ANGEL2: variants seen among roughly 807,000 people sequenced by gnomAD.
ANGEL2 encodes angel homolog 2, also known as RNA 2',3'-cyclic phosphatase ANGEL2.
Under a neutral mutation model 66.0 loss-of-function variants are expected in ANGEL2, and 41 were observed. The ratio of observed to expected loss-of-function variants is 0.62; its 90% CI spans 0.48 to 0.81. The LOEUF is 0.81. Ranked by LOEUF, ANGEL2 falls within the 30% of genes least tolerant of loss-of-function variation. The pLI is 0.00. For missense variants in ANGEL2, 561 were observed against 641.6 expected, an observed-to-expected ratio of 0.87 and a Z score of 1.36; for synonymous variants, 208 against 226.5, an observed-to-expected ratio of 0.92 and a Z score of 0.73.
chr1:213,005,426 T>C lies in ANGEL2; in HGVS notation c.741A>G (p.Thr247=), dbSNP rs762176108. ...LGYHCEYKMR[T]GRKPDGCAIC... is the part of the protein sequence containing the mutation. ...TAGCACAGCCATCAGGTTTCCTTCCTGTCCGCATCTTATATTCACAGTGAT... is the reference window on the plus strand; with the variant it reads ...TAGCACAGCCATCAGGTTTCCTTCCCGTCCGCATCTTATATTCACAGTGAT... The change falls in exon 5 of 9, where the codon ACA becomes ACG. Residue 247 remains threonine, a synonymous_variant. Transcript: ENST00000366962. 2.5e-6 allele frequency: 4 copies of C among 1,608,418 alleles called. No homozygotes were observed. The highest frequency in any genetic ancestry group is 2.7e-5 in the African/African-American group (2 of 74,816).
intron 7 of ANGEL2, 129 bp from the exon 8 acceptor site, chr1:212,997,447 A>G (rs2076057164): frequency 1.4e-6 from 1 of 739,470 alleles, no homozygotes; most frequent in African/African-American, 1.8e-5. Context: ...ATTTAAAAAG[A>G]CCATATCATA....
At chr1:213,002,510 T>C (rs1182745102) in intron 5 of ANGEL2, among the ~76,000 whole-genome samples, 1 of 152,248 alleles carries the variant, frequency 6.6e-6, no homozygotes, top group Non-Finnish European at 1.5e-5. Flanking sequence ...ACAAGCTATA[T>C]TAGCTCCTAA....
rs1183352982 is a variant in ANGEL2 at position 213,015,818 on chromosome 1, G to A, written c.-147C>T. 2.9e-6 allele frequency: 3 copies of A among 1,052,590 alleles called. No homozygotes were observed. The highest frequency in any genetic ancestry group is 4.2e-6 in the Non-Finnish European group (3 of 721,132). The allele number at this position is 1,052,590 out of a possible 1,614,324, so 65.2% of individuals were successfully genotyped here. A position where few individuals can be genotyped will look rare whatever the true frequency, so the allele number is the denominator to read the frequency against. ...GCTGCAAGGCATGCTGGGAGGTGCA[G>A]TCTCGCCGGCCGGCCTACACTCCAT... On this transcript the variant is annotated 5_prime_UTR_variant, in exon 1 of 9. Transcript: ENST00000366962.
Position 213,000,306 on chromosome 1 carries a change from T to C in ANGEL2, c.1319+20A>G, listed in dbSNP as rs765670047. ...TCAACTAAAGTTAGCAAATGTCTCC[T>C]TTTGCTTTCCAGAACTCACTTTTCA... On this transcript the variant is annotated intron_variant, in intron 7 of 8. Coordinates refer to ENST00000366962, the MANE Select transcript of ANGEL2 (RefSeq NM_144567.5). The C allele has an allele frequency of 3.7e-6, 6 of 1,601,428 alleles. No individual in the cohort carries two copies. Among genetic ancestry groups the C allele is most frequent in the Middle Eastern group, 1.7e-4 (1 of 6,020 alleles).
intron 8 of ANGEL2, among the ~76,000 whole-genome samples, chr1:212,996,640 A>AAAAAAAAAAAAAT (rs56102625): frequency 1.5e-5 from 1 of 66,474 alleles, no homozygotes; most frequent in African/African-American, 6.9e-5. Flanking sequence ...AAAAAAAAAA[A>AAAAAAAAAAAAAT]ATATATATAT....
intron 1 of ANGEL2, chr1:213,015,099 A>G (rs1477162049): frequency 9.1e-6 from 9 of 985,096 alleles, no homozygotes; most frequent in African/African-American, 5.2e-5. Context: ...GAACTTGGCC[A>G]TAACAGTAAG....
chr1:212,996,650 T>A (rs867770137), intron 8 of ANGEL2, among the ~76,000 whole-genome samples: 33,707 of 93,998 alleles, frequency 0.36, 9,322 homozygotes, highest in Non-Finnish European at 0.57. Context: ...AATATATATA[T>A]ATATATATAT....
chr1:212,994,807 C>T lies in ANGEL2; in HGVS notation c.*234G>A, dbSNP rs2075952646. 1 of 300,292 alleles carries T rather than the reference C, an allele frequency of 3.3e-6. No homozygotes were observed. The highest frequency in any genetic ancestry group is 6.0e-6 in the Non-Finnish European group (1 of 166,682). The allele number at this position is 300,292 out of a possible 1,614,324, so 18.6% of individuals were successfully genotyped here. A position where few individuals can be genotyped will look rare whatever the true frequency, so the allele number is the denominator to read the frequency against. ...TAGGATTTAGAATATAAAACCTTTA[C>T]ATCTCTTTTACAATAAAGAGAATTT... On this transcript the variant is annotated 3_prime_UTR_variant, in exon 9 of 9. Coordinates refer to ENST00000366962, the MANE Select transcript of ANGEL2 (RefSeq NM_144567.5).
chr1:213,008,370 C>A lies in ANGEL2; in HGVS notation c.482G>T (p.Ser161Ile), dbSNP rs760456344. The stretch of plus-strand genomic sequence containing the variant: ...CACTGAAAAGTCAAACTTGTTCTCA[C>A]TGTCTTCACATTTGGGATCAACATT... The part of the protein sequence containing the change: ...DKNVDPKCED[S>I]ENKFDFSVMS... Residue 161 changes from serine (S) to isoleucine (I), a missense_variant, in exon 3 of 9, where the codon AGT (serine) becomes ATT (isoleucine). Ser to Ile is a moderately radical substitution (Grantham distance 142). Coordinates refer to ENST00000366962, the MANE Select transcript of ANGEL2 (RefSeq NM_144567.5). The A allele has an allele frequency of 6.2e-7, 1 of 1,614,218 alleles. No homozygotes were observed. Among genetic ancestry groups the A allele is most frequent in the South Asian group, 1.1e-5 (1 of 91,084 alleles).
Position 213,015,175 on chromosome 1 carries a change from G to A in ANGEL2, c.59+438C>T, listed in dbSNP as rs527547292. On this transcript the variant is annotated intron_variant, in intron 1 of 8. Coordinates refer to ENST00000366962, the MANE Select transcript of ANGEL2 (RefSeq NM_144567.5). ...CATCAACAAAAATCAAGCCCCTCCT[G>A]GGCGTGTGCCACACACGCGCCTCCA... 4.2e-5 allele frequency: 43 copies of A among 1,018,648 alleles called. No homozygotes were observed. In the African/African-American group the frequency reaches 7.2e-4, roughly 17 times the overall value. 63.1% of individuals were successfully genotyped at this position (1,018,648 alleles called of 1,614,324 possible).
chr1:213,006,443 AAG>A (rs1273749746), intron 4 of ANGEL2: 3 of 145,694 alleles, frequency 2.1e-5, no homozygotes, highest in Non-Finnish European at 3.0e-5. Context: ...CAGCCTGGGC[AAG>A]AGAGAGACTC....
intron 8 of ANGEL2, among the ~76,000 whole-genome samples, chr1:212,995,480 C>CAACT (rs1337750993): frequency 6.6e-6 from 1 of 152,122 alleles, no homozygotes; most frequent in Non-Finnish European, 1.5e-5. Context: ...TTGTGGTTGA[C>CAACT]AACTACATAA....
chr1:213,005,760 T>C (rs1208549125), intron 4 of ANGEL2, among the ~76,000 whole-genome samples: 5 of 152,168 alleles, frequency 3.3e-5, no homozygotes, highest in Admixed American at 1.3e-4. Flanking sequence ...CTCCACCCTA[T>C]ATTCCTGATC....
At chr1:213,007,077 A>C in intron 4 of ANGEL2, 52 bp downstream of exon 4, 1 of 1,498,494 alleles carries the variant, frequency 6.7e-7, no homozygotes, top group Non-Finnish European at 9.2e-7. Context: ...TGGGCGACAG[A>C]GTGAGACCCT....
chr1:213,000,382 G>A lies in ANGEL2; in HGVS notation c.1263C>T (p.Asp421=), dbSNP rs1279401347. ...TCAGCTGTGTTTGTGTCAGATCACT[G>A]TCTGTAAGAATAGAGGAAAATATAT... ...VQQVPKVEKT[D]SDLTQTQLKQ... is the part of the protein sequence containing the mutation. Residue 421 remains aspartate (D), a splice_region_variant and synonymous_variant, in exon 7 of 9, where the codon GAC becomes GAT. Coordinates refer to ENST00000366962, the MANE Select transcript of ANGEL2 (RefSeq NM_144567.5). The A allele has an allele frequency of 1.9e-6, 3 of 1,612,340 alleles. No homozygotes were observed. The highest frequency in any genetic ancestry group is 2.5e-6 in the Non-Finnish European group (3 of 1,178,572).
intron 5 of ANGEL2, chr1:213,002,335 G>C (rs2076199147): frequency 6.6e-6 from 1 of 152,212 alleles, no homozygotes; most frequent in Non-Finnish European, 1.5e-5. Context: ...CTGAATAGTG[G>C]TCTCAGCAGT....
At chr1:213,003,673 C>T (rs1189283613) in intron 5 of ANGEL2, among the ~76,000 whole-genome samples, 1 of 152,124 alleles carries the variant, frequency 6.6e-6, no homozygotes, top group East Asian at 1.9e-4. Context: ...CTTGGATCAA[C>T]ATAACAGATG....
At position 212,993,333 on chromosome 1, in the gene ANGEL2, CA is replaced by C. The variant is rs2075909237; in HGVS notation, c.*1707del. 6.6e-6 allele frequency: 1 copy of C among 152,030 alleles called. No homozygotes were observed. Among genetic ancestry groups the C allele is most frequent in the Non-Finnish European group, 1.5e-5 (1 of 67,986 alleles). 9.4% of individuals were successfully genotyped at this position (152,030 alleles called of 1,614,324 possible). On this transcript the variant is annotated 3_prime_UTR_variant, in exon 9 of 9. Transcript: ENST00000366962. ...AAAAAATAAAAAAATAAAAACCCCC[CA>C]AAATGAGAAATTAAATATTTAAACA... is the stretch of plus-strand genomic sequence containing the variant.
At chr1:213,009,988 T>A (rs1362946651) in intron 2 of ANGEL2, among the ~76,000 whole-genome samples, 1 of 149,010 alleles carries the variant, frequency 6.7e-6, no homozygotes, top group Non-Finnish European at 1.5e-5. Flanking sequence ...GAAGCAGAGG[T>A]TGCAGTGAGC....
Sources: gnomAD v4.1 joint callset for allele counts (sites outside exome capture counted in the v4.1 genomes callset) on GRCh38, gnomAD v4.1.1 for gene constraint, MANE v1.5 for transcripts, NCBI Gene and HGNC (gene_info 2026-07-23, HGNC 2026-07-21) for gene names.